NCBP2: variants seen among roughly 807,000 people sequenced by gnomAD.
NCBP2 encodes the protein nuclear cap binding protein subunit 2.
Under a neutral mutation model 21.5 loss-of-function variants are expected in NCBP2, and 8 were observed. The observed-to-expected ratio is 0.37, with a 90% CI of 0.22 to 0.67. The LOEUF (loss-of-function observed/expected upper bound fraction) is 0.67. Ranked by LOEUF, NCBP2 falls within the 30% of genes least tolerant of loss-of-function variation. The pLI, the probability that NCBP2 is intolerant of heterozygous loss-of-function variation, is 0.56. For missense variants in NCBP2, 127 were observed against 206.9 expected (o/e 0.61, Z 2.37); for synonymous variants, 92 against 75.8 (o/e 1.21, Z -1.11).
At position 196,942,510 on chromosome 3, in the gene NCBP2, G is replaced by A. The variant is rs755550532; in HGVS notation, c.-7C>T. 2.5e-5 allele frequency: 41 copies of A among 1,611,764 alleles called. No individual in the cohort carries two copies. The highest frequency in any genetic ancestry group is 3.4e-5 in the Non-Finnish European group (40 of 1,179,040). On this transcript the variant is annotated 5_prime_UTR_variant, in exon 1 of 4. Coordinates refer to ENST00000321256, the MANE Select transcript of NCBP2 (RefSeq NM_007362.5). ...TCAGGAGGCCACCCGACATAGTGCAGAGAAGCGGACCACAATGCGGCGACT... is the reference window on the plus strand; with the variant it reads ...TCAGGAGGCCACCCGACATAGTGCAAAGAAGCGGACCACAATGCGGCGACT...
intron 1 of NCBP2, chr3:196,941,858 A>C: frequency 6.7e-7 from 1 of 1,503,124 alleles, no homozygotes; most frequent in Non-Finnish European, 8.9e-7. Context: ...CAAAGTGCCG[A>C]GCTTGGCGGG....
Position 196,942,523 on chromosome 3 carries a change from C to T in NCBP2, c.-20G>A, listed in dbSNP as rs1716651670. 6.2e-7 allele frequency: 1 copy of T among 1,606,102 alleles called. No homozygotes were observed. The highest frequency in any genetic ancestry group is 1.7e-4 in the Middle Eastern group (1 of 6,040). On this transcript the variant is annotated 5_prime_UTR_variant, in exon 1 of 4. In the 5' UTR this introduces an upstream ATG that the reference lacks. Coordinates refer to ENST00000321256, the MANE Select transcript of NCBP2 (RefSeq NM_007362.5). ...CGACATAGTGCAGAGAAGCGGACCA[C>T]AATGCGGCGACTCCCGGCACGAGGC...
chr3:196,940,392 G>T (rs987676951), intron 1 of NCBP2, among the ~76,000 whole-genome samples: 2 of 150,946 alleles, frequency 1.3e-5, no homozygotes, highest in African/African-American at 4.9e-5. Flanking sequence ...AAGTCCACAG[G>T]ACAATAGTCA....
chr3:196,939,218 T>G (rs1044915171), intron 2 of NCBP2, 33 bp downstream of exon 2: 9 of 1,592,926 alleles, frequency 5.6e-6, no homozygotes, highest in Non-Finnish European at 5.2e-6. Flanking sequence ...CTACCCTGGT[T>G]CAGCAGCTAC....
intron 2 of NCBP2, chr3:196,939,022 G>C (rs1033873749): frequency 5.1e-6 from 2 of 392,740 alleles, no homozygotes; most frequent in African/African-American, 4.2e-5. Context: ...TTTTTTTTAC[G>C]TGAAGGGCAA....
chr3:196,940,006 C>T (rs1384297143), intron 1 of NCBP2: 1 of 152,314 alleles, frequency 6.6e-6, no homozygotes, highest in Admixed American at 6.5e-5. Context: ...AGGATGAAGC[C>T]AGAGACTTAA....
rs116410462 is a variant in NCBP2, at chr3:196,939,474, C to G, written c.79-42G>C. ...AGACAAAAGTTAAGCAACTTCAGAGCCTTGCTTAAATAGTATTTCTAAGTA... is the reference window on the plus strand; with the variant it reads ...AGACAAAAGTTAAGCAACTTCAGAGGCTTGCTTAAATAGTATTTCTAAGTA... On this transcript the variant is annotated intron_variant, in intron 1 of 3. Coordinates refer to ENST00000321256, the MANE Select transcript of NCBP2 (RefSeq NM_007362.5). 7.1e-4 allele frequency: 994 copies of G among 1,397,062 alleles called. 13 individuals are homozygous for G. The African/African-American group carries it at 0.013, about 19-fold the overall frequency. The allele number at this position is 1,397,062 out of a possible 1,614,324, so 86.5% of individuals were successfully genotyped here.
intron 2 of NCBP2, chr3:196,938,643 T>C (rs1333431232): frequency 1.3e-5 from 2 of 152,328 alleles, no homozygotes; most frequent in Non-Finnish European, 2.9e-5. Context: ...TAAAAGTTTT[T>C]TTCTTTAAAG....
At chr3:196,942,094 C>CT in intron 1 of NCBP2, 3 of 1,499,206 alleles carry the variant, frequency 2.0e-6, no homozygotes, top group Non-Finnish European at 2.7e-6. Flanking sequence ...CTCCCCCTTG[C>CT]TACGTAGTCG....
intron 2 of NCBP2, 139 bp from the exon 3 acceptor site, chr3:196,937,787 C>G: frequency 9.6e-7 from 1 of 1,044,670 alleles, no homozygotes. Flanking sequence ...TCAGCTTGCC[C>G]AGGCCTGTTT....
chr3:196,937,928 C>G (rs761974860), intron 2 of NCBP2: 1 of 407,044 alleles, frequency 2.5e-6, no homozygotes, highest in Non-Finnish European at 4.6e-6. Flanking sequence ...AAGTTTAGAT[C>G]ACTGTACACT....
Position 196,937,086 on chromosome 3 carries a change from T to G in NCBP2, c.400-4A>C, listed in dbSNP as rs201892047. The G allele has an allele frequency of 1.9e-6, 3 of 1,614,022 alleles. No individual in the cohort carries two copies. The highest frequency in any genetic ancestry group is 2.5e-6 in the Non-Finnish European group (3 of 1,179,914). ...CCTGCCGATACTCATCCCGAACCTT[T>G]AATGGAAAGAATCCAGAGTTACAGT... On this transcript the variant is annotated splice_region_variant and splice_polypyrimidine_tract_variant and intron_variant, in intron 3 of 3. Transcript: ENST00000321256.
chr3:196,941,915 C>T (rs1716600328), intron 1 of NCBP2: 1 of 1,536,226 alleles, frequency 6.5e-7, no homozygotes, highest in Non-Finnish European at 8.7e-7. Flanking sequence ...GTGAGGACTC[C>T]ACTTGTGTCT....
At position 196,936,911 on chromosome 3, in the gene NCBP2, A is replaced by C. The variant is rs1560168393; in HGVS notation, c.*100T>G. On this transcript the variant is annotated 3_prime_UTR_variant, in exon 4 of 4. Transcript: ENST00000321256. ...TCCAGCTCAGTAAAGACACTGATCA[A>C]ATCTTGGTAAAAATGGGCTCGTGTG... 2.7e-6 allele frequency: 3 copies of C among 1,099,556 alleles called. No homozygotes were observed. In the East Asian group the frequency reaches 7.1e-5, roughly 26 times the overall value. The allele number at this position is 1,099,556 out of a possible 1,614,324, so 68.1% of individuals were successfully genotyped here. A position where few individuals can be genotyped will look rare whatever the true frequency, so the allele number is the denominator to read the frequency against.
At position 196,937,048 on chromosome 3, in the gene NCBP2, C is replaced by G; in HGVS notation, c.434G>C (p.Gly145Ala). 2 of 1,614,164 alleles carry G rather than the reference C, an allele frequency of 1.2e-6. No individual in the cohort carries two copies. Among genetic ancestry groups the G allele is most frequent in the Non-Finnish European group, 1.7e-6 (2 of 1,180,026 alleles). ...RDEYRQDYDA[G>A]RGGYGKLAQN... Reference sequence around the variant, plus strand: ...TGCCAGTTTTCCATAGCCTCCTCTCCCAGCATCGTAGTCCTGCCGATACTC... The same window carrying G: ...TGCCAGTTTTCCATAGCCTCCTCTCGCAGCATCGTAGTCCTGCCGATACTC... The change falls in exon 4 of 4, where the codon GGG becomes GCG. Residue 145 changes from glycine (G) to alanine (A), a missense_variant. Coordinates refer to ENST00000321256, the MANE Select transcript of NCBP2 (RefSeq NM_007362.5).
Position 196,937,996 on chromosome 3 carries a change from C to T in NCBP2, c.261-348G>A, listed in dbSNP as rs532809719. 2.5e-5 allele frequency: 5 copies of T among 196,466 alleles called. No individual in the cohort carries two copies. The South Asian group carries it at 3.2e-4, about 13-fold the overall frequency. The allele number at this position is 196,466 out of a possible 1,614,324, so 12.2% of individuals were successfully genotyped here. A position where few individuals can be genotyped will look rare whatever the true frequency, so the allele number is the denominator to read the frequency against. ...GTTAGGTTCTGTACATTCCAAGGCA[C>T]CCTAATCAAGAGAAGGTCACCGTGC... On this transcript the variant is annotated intron_variant, in intron 2 of 3. Transcript: ENST00000321256.
Position 196,936,980 on chromosome 3 carries a change from G to A in NCBP2, c.*31C>T, listed in dbSNP as rs750089031. On this transcript the variant is annotated 3_prime_UTR_variant, in exon 4 of 4. Coordinates refer to ENST00000321256, the MANE Select transcript of NCBP2 (RefSeq NM_007362.5). ...CTTCAGCAAATTCAACAGGCCAAAG[G>A]AGTGTTTGTCACTGACAGAGCTCTC... 5.6e-6 allele frequency: 9 copies of A among 1,604,554 alleles called. No individual in the cohort carries two copies. In the South Asian group the frequency reaches 9.9e-5, roughly 18 times the overall value.
At chr3:196,942,399 C>T (rs751512726) in intron 1 of NCBP2, 27 bp downstream of exon 1, 3 of 1,608,530 alleles carry the variant, frequency 1.9e-6, no homozygotes, top group Admixed American at 3.4e-5. Flanking sequence ...CCAGGGCCTT[C>T]CCGTCTCGCG....
In NCBP2 at chr3:196,936,934, G is replaced by T; in HGVS notation, c.*77C>A. On this transcript the variant is annotated 3_prime_UTR_variant, in exon 4 of 4. Transcript: ENST00000321256. ...CAAATCTTGGTAAAAATGGGCTCGTGTGCAGACTTTAGGTGATGTTCTTCA... is the reference window on the plus strand; with the variant it reads ...CAAATCTTGGTAAAAATGGGCTCGTTTGCAGACTTTAGGTGATGTTCTTCA... The T allele has an allele frequency of 2.2e-6, 3 of 1,355,382 alleles. No homozygotes were observed. Among genetic ancestry groups the T allele is most frequent in the Non-Finnish European group, 3.2e-6 (3 of 944,256 alleles). 84.0% of individuals were successfully genotyped at this position (1,355,382 alleles called of 1,614,324 possible).
Sources: gnomAD v4.1 joint callset for allele counts (sites outside exome capture counted in the v4.1 genomes callset) on GRCh38, gnomAD v4.1.1 for gene constraint, MANE v1.5 for transcripts, NCBI Gene and HGNC (gene_info 2026-07-23, HGNC 2026-07-21) for gene names.